PSG11: variants seen among roughly 807,000 people sequenced by gnomAD.
The protein encoded by PSG11 is pregnancy specific beta-1-glycoprotein 11.
PSG11 carries 42 observed loss-of-function variants against 36.0 expected under a neutral mutation model. The observed-to-expected ratio is 1.17, with a 90% CI of 0.91 to 1.51. The LOEUF (loss-of-function observed/expected upper bound fraction) is 1.51. Among genes scored for constraint, PSG11 ranks in the 40% most tolerant of loss-of-function variants. PSG11 has a pLI of 0.00. For missense variants in PSG11, 558 were observed against 403.5 expected (o/e 1.38, Z -3.28); for synonymous variants, 206 against 153.5 (o/e 1.34, Z -2.53).
At chr19:43,013,795 A>G (rs189829017) in intron 4 of PSG11, among the ~76,000 whole-genome samples, 1 of 151,558 alleles carries the variant, frequency 6.6e-6, no homozygotes, top group African/African-American at 2.4e-5. Context: ...GAATTGAAAG[A>G]AATTTGAACA....
chr19:43,025,875 G>A lies in PSG11; in HGVS notation c.64+434C>T, dbSNP rs2122839787. Among the ~76,000 whole-genome samples the A allele has an allele frequency of 2.1e-5, 3 of 140,780 alleles. No homozygotes were observed. In the South Asian group the frequency reaches 6.9e-4, roughly 32 times the overall value. 92.4% of individuals were successfully genotyped at this position (140,780 alleles called of 152,430 possible). A position where few individuals can be genotyped will look rare whatever the true frequency, so the allele number is the denominator to read the frequency against. ...CTGTTTTGACCCCTGTCCCTCTTGG[G>A]TGTATTTTCCCCTATCCAGGCATCA... is the stretch of plus-strand genomic sequence containing the variant. On this transcript the variant is annotated intron_variant, in intron 1 of 5. Coordinates refer to ENST00000320078, the MANE Select transcript of PSG11 (RefSeq NM_002785.3).
chr19:43,015,833 A>G (rs573204560), intron 3 of PSG11: 3 of 1,610,284 alleles, frequency 1.9e-6, no homozygotes, highest in African/African-American at 2.7e-5. Context: ...TCACATTGAT[A>G]GGGTCCTGTT....
chr19:43,021,600 T>C (rs1394870803), intron 2 of PSG11, among the ~76,000 whole-genome samples: 1 of 151,316 alleles, frequency 6.6e-6, no homozygotes, highest in South Asian at 2.1e-4. Context: ...CCTGCCCCAG[T>C]CTCCCAAAGT....
intron 2 of PSG11, among the ~76,000 whole-genome samples, chr19:43,022,839 T>A (rs1260041154): frequency 6.6e-6 from 1 of 150,666 alleles, no homozygotes; most frequent in Non-Finnish European, 1.5e-5. Context: ...CCTTTCCTAT[T>A]TCCTGGGAGG....
In PSG11 at chr19:43,024,802, G is replaced by A. The variant is rs1350684997; in HGVS notation, c.319C>T (p.Leu107=). Residue 107 remains leucine, a synonymous_variant, in exon 2 of 6, where the codon CTG becomes TTG. Coordinates refer to ENST00000320078, the MANE Select transcript of PSG11 (RefSeq NM_002785.3). ...GRETVYSNAS[L]LIQNVTREDA... is the part of the protein sequence containing the mutation. ...TCCCGGGTGACATTCTGGATCAGCA[G>A]GGATGCATTGGAATATACTGTTTCT... The A allele has an allele frequency of 1.2e-6, 2 of 1,611,994 alleles. No individual in the cohort carries two copies. Among genetic ancestry groups the A allele is most frequent in the Non-Finnish European group, 8.5e-7 (1 of 1,179,108 alleles).
chr19:43,022,857 G>A (rs893592127), intron 2 of PSG11, among the ~76,000 whole-genome samples: 3 of 150,678 alleles, frequency 2.0e-5, no homozygotes, highest in African/African-American at 7.4e-5. Flanking sequence ...AGGTGGGCCA[G>A]GCCACAGTGT....
At position 43,015,689 on chromosome 19, in the gene PSG11, G is replaced by A. The variant is rs905460720; in HGVS notation, c.710-319C>T. 29 of 1,582,226 alleles carry A rather than the reference G, an allele frequency of 1.8e-5. 3 individuals carry two copies. Among genetic ancestry groups the A allele is most frequent in the East Asian group, 1.3e-4 (6 of 44,648 alleles). On this transcript the variant is annotated intron_variant, in intron 3 of 5. Coordinates refer to ENST00000320078, the MANE Select transcript of PSG11 (RefSeq NM_002785.3). ...AAGTAAAGGTGTCTGTACTTGGACC[G>A]GAGAGAGACTGAGAGGCCTGGCCCC... is the stretch of plus-strand genomic sequence containing the variant.
At position 43,018,838 on chromosome 19, in the gene PSG11, G is replaced by A. The variant is rs371429789; in HGVS notation, c.641C>T (p.Pro214Leu). ...TGAGTTCCATATTTCACATTCATAGGGTCCTGCAGTATACTTTGTGACACC... is the reference window on the plus strand; with the variant it reads ...TGAGTTCCATATTTCACATTCATAGAGTCCTGCAGTATACTTTGTGACACC... The part of the protein sequence containing the change: ...LFGVTKYTAG[P>L]YECEIWNSGS... The change falls in exon 3 of 6, where the codon CCC (proline) becomes CTC (leucine). Residue 214 changes from proline to leucine, a missense_variant. By Grantham distance (98) the Pro-to-Leu change is moderately conservative. Coordinates refer to ENST00000320078, the MANE Select transcript of PSG11 (RefSeq NM_002785.3). The A allele has an allele frequency of 1.2e-6, 2 of 1,611,934 alleles. No homozygotes were observed. Among genetic ancestry groups the A allele is most frequent in the African/African-American group, 2.7e-5 (2 of 74,416 alleles).
intron 3 of PSG11, among the ~76,000 whole-genome samples, chr19:43,016,712 G>C (rs1300918745): frequency 4.0e-5 from 6 of 151,540 alleles, no homozygotes; most frequent in Non-Finnish European, 8.8e-5. Flanking sequence ...CGCAAGGAAT[G>C]ATCTAGGAAG....
intron 3 of PSG11, among the ~76,000 whole-genome samples, chr19:43,016,236 A>G (rs973143090): frequency 3.8e-4 from 57 of 151,462 alleles, no homozygotes; most frequent in African/African-American, 1.4e-3. Context: ...CGCCTGCTTC[A>G]TCTTAGGAAA....
At chr19:43,025,142 T>C (rs1967209265) in intron 1 of PSG11, 86 bp from the exon 2 acceptor site, 2 of 1,501,710 alleles carry the variant, frequency 1.3e-6, no homozygotes, top group South Asian at 1.3e-5. Context: ...GAAGGTCTCT[T>C]CAATCCTCAG....
In PSG11 at chr19:43,026,436, C is replaced by G. The variant is rs558092777; in HGVS notation, c.-64G>C. 61 of 1,587,874 alleles carry G rather than the reference C, an allele frequency of 3.8e-5. No individual in the cohort carries two copies. The South Asian group carries it at 6.5e-4, about 17-fold the overall frequency. On this transcript the variant is annotated 5_prime_UTR_variant, in exon 1 of 6. Coordinates refer to ENST00000320078, the MANE Select transcript of PSG11 (RefSeq NM_002785.3). ...GCCTAGGATCCAGAAGCTTCCAGAG[C>G]ACGGCTGTCAGCTGTGCTGTCCTTC...
chr19:43,017,192 C>A (rs771455002), intron 3 of PSG11: 3 of 151,338 alleles, frequency 2.0e-5, no homozygotes, highest in African/African-American at 7.3e-5. Flanking sequence ...GTATTGTTCA[C>A]ACAGATTATT....
Position 43,015,312 on chromosome 19 carries a change from G to T in PSG11, c.768C>A (p.Asn256Lys). Reference sequence around the variant, plus strand: ...AGTTTGCGAAGCAGGACAAGTCGAGGTTCTCTCCTGAATAGTAAGAGGTGA... The same window carrying T: ...AGTTTGCGAAGCAGGACAAGTCGAGTTTCTCTCCTGAATAGTAAGAGGTGA... ...PSVTSYYSGE[N>K]LDLSCFANSN... The change falls in exon 4 of 6, where the codon AAC becomes AAA. Residue 256 changes from asparagine to lysine, a missense_variant. Physicochemically the swap from Asn to Lys is moderately conservative, Grantham distance 94 (BLOSUM62 0). Transcript: ENST00000320078. 19 of 1,610,058 alleles carry T rather than the reference G, an allele frequency of 1.2e-5. No individual in the cohort carries two copies. The highest frequency in any genetic ancestry group is 1.6e-5 in the Non-Finnish European group (19 of 1,177,208).
intron 2 of PSG11, among the ~76,000 whole-genome samples, chr19:43,023,937 C>A (rs1465209929): frequency 6.6e-6 from 1 of 151,490 alleles, no homozygotes; most frequent in Non-Finnish European, 1.5e-5. Context: ...CATGAGAAAG[C>A]ACCTTTACGT....
Position 43,008,176 on chromosome 19 carries a change from A to G in PSG11, c.*41-134T>C, listed in dbSNP as rs980157192. 2.6e-5 allele frequency: 7 copies of G among 266,116 alleles called. No individual in the cohort carries two copies. In the Admixed American group the frequency reaches 3.3e-4, roughly 13 times the overall value. 16.5% of individuals were successfully genotyped at this position (266,116 alleles called of 1,614,324 possible). ...CTAATGAGAATTTATTATGGTAAAG[A>G]CACAGCTCACATAGAAATCTAGTTA... is the stretch of plus-strand genomic sequence containing the variant. On this transcript the variant is annotated intron_variant, in intron 5 of 5. Coordinates refer to ENST00000320078, the MANE Select transcript of PSG11 (RefSeq NM_002785.3).
chr19:43,008,664 T>A (rs974635791), intron 5 of PSG11, among the ~76,000 whole-genome samples: 3 of 151,354 alleles, frequency 2.0e-5, no homozygotes, highest in Non-Finnish European at 4.4e-5. Flanking sequence ...GCTTTCTATA[T>A]AATGTAATAT....
chr19:43,015,794 T>G, intron 3 of PSG11: 16 of 1,573,144 alleles, frequency 1.0e-5, no homozygotes, highest in Non-Finnish European at 1.4e-5. Context: ...ACTGAGTCAC[T>G]GCGGATGCCA....
In PSG11 at chr19:43,024,937, G is replaced by T. The variant is rs1294843577; in HGVS notation, c.184C>A (p.Leu62Ile). 6.2e-7 allele frequency: 1 copy of T among 1,611,918 alleles called. No individual in the cohort carries two copies. The highest frequency in any genetic ancestry group is 1.1e-5 in the South Asian group (1 of 90,814). Residue 62 changes from leucine to isoleucine, a missense_variant, in exon 2 of 6, where the codon CTT (leucine) becomes ATT (isoleucine). By Grantham distance (5) the Leu-to-Ile change is conservative. Transcript: ENST00000320078. The stretch of plus-strand genomic sequence containing the variant: ...CCTTTGTACCAGATGTAGCCAGTAA[G>T]ATTCTGGGGCAAATTGTGGACAAGT... ...LLLVHNLPQN[L>I]TGYIWYKGQI...
Sources: gnomAD v4.1 joint callset for allele counts (sites outside exome capture counted in the v4.1 genomes callset) on GRCh38, gnomAD v4.1.1 for gene constraint, MANE v1.5 for transcripts, NCBI Gene and HGNC (gene_info 2026-07-23, HGNC 2026-07-21) for gene names.